INIP: variants seen among roughly 807,000 people sequenced by gnomAD.
The protein encoded by INIP is INTS3 and NABP interacting protein, also known as SOSS complex subunit C.
INIP carries 9 observed loss-of-function variants against 14.0 expected under a neutral mutation model. The ratio of observed to expected loss-of-function variants is 0.64; its 90% CI spans 0.39 to 1.12. The LOEUF (loss-of-function observed/expected upper bound fraction) is 1.12, where lower values mean the gene tolerates loss of function less well. Among genes scored for constraint, INIP ranks in the 50% most tolerant of loss-of-function variants. The pLI, the probability that INIP is intolerant of heterozygous loss-of-function variation, is 0.01. For synonymous variants in INIP, 37 were observed against 41.5 expected, an observed-to-expected ratio of 0.89 and a Z score of 0.41; for missense variants, 78 against 122.7, an observed-to-expected ratio of 0.64 and a Z score of 1.72.
Position 112,687,580 on chromosome 9 carries a change from C to G in INIP, c.273G>C (p.Gly91=). Residue 91 remains glycine, a synonymous_variant, in exon 5 of 5, where the codon GGG becomes GGC. Transcript: ENST00000374242. The part of the protein sequence containing the change: ...GYFITQDSAF[G]NLILPVLPRL... ...GAGGTAAAACAGGAAGAATAAGGTT[C>G]CCAAATGCAGAGTCTTGAGTGATGA... The G allele has an allele frequency of 6.2e-7, 1 of 1,610,530 alleles. No individual in the cohort carries two copies. Among genetic ancestry groups the G allele is most frequent in the Non-Finnish European group, 8.5e-7 (1 of 1,177,288 alleles).
At chr9:112,693,708 G>A (rs1332785643) in intron 3 of INIP, among the ~76,000 whole-genome samples, 1 of 152,152 alleles carries the variant, frequency 6.6e-6, no homozygotes, top group East Asian at 1.9e-4. Context: ...AGATTGCAGT[G>A]TTAAAGAAAA....
At chr9:112,714,568 G>A (rs1022421387) in intron 2 of INIP, among the ~76,000 whole-genome samples, 12 of 152,288 alleles carry the variant, frequency 7.9e-5, no homozygotes, top group South Asian at 2.1e-4. Flanking sequence ...GAAGATAAAG[G>A]CACAGATAAT....
chr9:112,684,022 A>G lies in INIP; in HGVS notation c.*3516T>C, dbSNP rs1489718085. 6.6e-6 allele frequency: 1 copy of G among 152,180 alleles called. No individual in the cohort carries two copies. The highest frequency in any genetic ancestry group is 1.9e-4 in the East Asian group (1 of 5,206). The allele number at this position is 152,180 out of a possible 1,614,324, so 9.4% of individuals were successfully genotyped here. A position where few individuals can be genotyped will look rare whatever the true frequency, so the allele number is the denominator to read the frequency against. ...AGCGGCTTTCAAAACTTTTTTTGCC[A>G]TAACTCACAGTAAAAAAAAATACAT... On this transcript the variant is annotated 3_prime_UTR_variant, in exon 5 of 5. Coordinates refer to ENST00000374242, the MANE Select transcript of INIP (RefSeq NM_021218.3).
intron 2 of INIP, among the ~76,000 whole-genome samples, chr9:112,694,858 C>T (rs952683111): frequency 3.3e-5 from 5 of 152,168 alleles, no homozygotes; most frequent in Non-Finnish European, 7.3e-5. Context: ...GAGATATGGC[C>T]TTTGTCAAAT....
rs1837697053 is a variant in INIP at position 112,687,041 on chromosome 9, A to G, written c.*497T>C. The G allele has an allele frequency of 6.6e-6, 1 of 152,416 alleles. No individual in the cohort carries two copies. Among genetic ancestry groups the G allele is most frequent in the Non-Finnish European group, 1.5e-5 (1 of 68,172 alleles). The allele number at this position is 152,416 out of a possible 1,614,324, so 9.4% of individuals were successfully genotyped here. On this transcript the variant is annotated 3_prime_UTR_variant, in exon 5 of 5. Coordinates refer to ENST00000374242, the MANE Select transcript of INIP (RefSeq NM_021218.3). ...GGGGGAAGTAGTTATAAGTCCAGAAAGAATATTTCAGGATGATACATGTTG... is the reference window on the plus strand; with the variant it reads ...GGGGGAAGTAGTTATAAGTCCAGAAGGAATATTTCAGGATGATACATGTTG...
chr9:112,705,646 T>C (rs2131305653), intron 2 of INIP, among the ~76,000 whole-genome samples: 1 of 152,306 alleles, frequency 6.6e-6, no homozygotes. Flanking sequence ...AGAACTTTAG[T>C]GTATTAGATA....
intron 2 of INIP, among the ~76,000 whole-genome samples, chr9:112,715,680 G>A (rs900805296): frequency 2.6e-5 from 4 of 151,824 alleles, no homozygotes. Flanking sequence ...GGTTGAGGCA[G>A]GAGGATTGCT....
At chr9:112,705,422 G>A (rs1159616219) in intron 2 of INIP, among the ~76,000 whole-genome samples, 3 of 152,052 alleles carry the variant, frequency 2.0e-5, no homozygotes, top group South Asian at 4.1e-4. Flanking sequence ...GCATCCTCCT[G>A]CTTCAGCCTC....
rs1383854862 is a variant in INIP at position 112,684,409 on chromosome 9, T to C, written c.*3129A>G. On this transcript the variant is annotated 3_prime_UTR_variant, in exon 5 of 5. Coordinates refer to ENST00000374242, the MANE Select transcript of INIP (RefSeq NM_021218.3). ...AAATTAAAAAAAAAAAAAAATTAGC[T>C]GGGCATGGTGGCATGTGCCTGTAGT... 6.6e-6 allele frequency: 1 copy of C among 151,232 alleles called. No individual in the cohort carries two copies. The highest frequency in any genetic ancestry group is 1.5e-5 in the Non-Finnish European group (1 of 67,886). The allele number at this position is 151,232 out of a possible 1,614,324, so 9.4% of individuals were successfully genotyped here.
chr9:112,689,298 A>G (rs1837794515), intron 4 of INIP, among the ~76,000 whole-genome samples: 3 of 152,168 alleles, frequency 2.0e-5, no homozygotes, highest in Admixed American at 1.3e-4. Flanking sequence ...CTTGGCATGT[A>G]GAAGCACAGA....
chr9:112,711,753 C>A (rs1054280245), intron 2 of INIP, among the ~76,000 whole-genome samples: 1 of 152,148 alleles, frequency 6.6e-6, no homozygotes, highest in African/African-American at 2.4e-5. Flanking sequence ...ATGGTATTAG[C>A]TGGTTACTGC....
At chr9:112,707,661 G>T (rs1318429585) in intron 2 of INIP, among the ~76,000 whole-genome samples, 1 of 151,738 alleles carries the variant, frequency 6.6e-6, no homozygotes, top group Admixed American at 6.6e-5. Flanking sequence ...TCTTCTTATT[G>T]TAAAAAAAAT....
chr9:112,710,864 T>C (rs1838625526), intron 2 of INIP, among the ~76,000 whole-genome samples: 1 of 152,086 alleles, frequency 6.6e-6, no homozygotes, highest in Non-Finnish European at 1.5e-5. Context: ...AGTACAGAAA[T>C]GATTTACTAC....
intron 2 of INIP, among the ~76,000 whole-genome samples, chr9:112,715,671 G>A (rs1319700574): frequency 6.6e-6 from 1 of 151,766 alleles, no homozygotes; most frequent in Non-Finnish European, 1.5e-5. Context: ...TACTCGGGAG[G>A]TTGAGGCAGG....
At chr9:112,695,808 GAGAAGAAGA>G (rs1193351426) in intron 2 of INIP, among the ~76,000 whole-genome samples, 7 of 91,626 alleles carry the variant, frequency 7.6e-5, no homozygotes, top group Admixed American at 3.7e-4. Context: ...GGAGGAGGAG[GAGAAGAAGA>G]AGGAGAAGAA....
chr9:112,702,219 T>G lies in INIP; in HGVS notation c.26-7986A>C, dbSNP rs567688056. ...GCAGCAGTATCAATTTCCCTCAAGA[T>G]TAACTTGTTCACACAAAAATATTTT... On this transcript the variant is annotated intron_variant, in intron 2 of 4. Coordinates refer to ENST00000374242, the MANE Select transcript of INIP (RefSeq NM_021218.3). 4.6e-5 allele frequency among the ~76,000 whole-genome samples: 7 copies of G among 152,306 alleles called. No individual in the cohort carries two copies. In the South Asian group the frequency reaches 1.4e-3, roughly 32 times the overall value.
rs1048846787 is a variant in INIP, at chr9:112,686,650, C to T, written c.*888G>A. ...TAGCTGGGATTACAGGCGTGTGCCACCACACATGGCTAATTTTTTATACTT... is the reference window on the plus strand; with the variant it reads ...TAGCTGGGATTACAGGCGTGTGCCATCACACATGGCTAATTTTTTATACTT... On this transcript the variant is annotated 3_prime_UTR_variant, in exon 5 of 5. Transcript: ENST00000374242. 6.6e-6 allele frequency: 1 copy of T among 152,276 alleles called. No homozygotes were observed. Among genetic ancestry groups the T allele is most frequent in the Non-Finnish European group, 1.5e-5 (1 of 68,108 alleles). 9.4% of individuals were successfully genotyped at this position (152,276 alleles called of 1,614,324 possible). A position where few individuals can be genotyped will look rare whatever the true frequency, so the allele number is the denominator to read the frequency against.
At chr9:112,706,951 G>A (rs1169130841) in intron 2 of INIP, among the ~76,000 whole-genome samples, 4 of 151,866 alleles carry the variant, frequency 2.6e-5, no homozygotes, top group East Asian at 1.9e-4. Flanking sequence ...CACTCATGTC[G>A]CCCAGGCTGG....
chr9:112,698,880 G>A (rs1241605660), intron 2 of INIP, among the ~76,000 whole-genome samples: 17 of 152,280 alleles, frequency 1.1e-4, no homozygotes, highest in Admixed American at 1.0e-3. Context: ...AGATACAGAC[G>A]TAGAGAAGGG....
Sources: gnomAD v4.1 joint callset for allele counts (sites outside exome capture counted in the v4.1 genomes callset) on GRCh38, gnomAD v4.1.1 for gene constraint, MANE v1.5 for transcripts, NCBI Gene and HGNC (gene_info 2026-07-23, HGNC 2026-07-21) for gene names.